Variants in ROBO1 observed in about 807,000 individuals in gnomAD.
The protein encoded by ROBO1 is roundabout guidance receptor 1, also known as roundabout homolog 1.
In ROBO1, 149 loss-of-function variants were observed where a neutral mutation model predicts 195.9. The ratio of observed to expected loss-of-function variants is 0.76; its 90% CI spans 0.67 to 0.87. ROBO1 has a LOEUF of 0.87. Ranked by LOEUF, ROBO1 falls within the 40% of genes least tolerant of loss-of-function variation. The probability of loss-of-function intolerance (pLI) is 0.00; values close to 1 mark genes in which losing one functional copy is unlikely to be tolerated. For synonymous variants in ROBO1, 816 were observed against 733.2 expected (o/e 1.11, Z -1.82); for missense variants, 1,933 against 2,068.3 (o/e 0.93, Z 1.27).
chr3:79,539,809 A>T (rs1420478640), intron 2 of ROBO1, among the ~76,000 whole-genome samples: 1 of 152,062 alleles, frequency 6.6e-6, no homozygotes, highest in Non-Finnish European at 1.5e-5. Context: ...ATGCCCAATC[A>T]TGCAGTGAAA....
Position 79,489,115 on chromosome 3 carries a change from T to C in ROBO1, c.88+100709A>G, listed in dbSNP as rs924637058. 4.0e-5 allele frequency among the ~76,000 whole-genome samples: 6 copies of C among 151,258 alleles called. 1 individual carries two copies. Among genetic ancestry groups the C allele is most frequent in the Admixed American group, 3.9e-4 (6 of 15,200 alleles). ...AAATATACATATATAAGTACATATA[T>C]ATATATATATAAAACATGTGGTAAG... On this transcript the variant is annotated intron_variant, in intron 2 of 30. Coordinates refer to ENST00000464233, the MANE Select transcript of ROBO1 (RefSeq NM_002941.4).
intron 4 of ROBO1, among the ~76,000 whole-genome samples, chr3:78,783,350 A>G (rs936812133): frequency 2.0e-5 from 3 of 152,174 alleles, no homozygotes; most frequent in Non-Finnish European, 4.4e-5. Context: ...CCAAAGCAAA[A>G]CTAGCCATTA....
At chr3:78,986,388 T>G (rs745801638) in intron 3 of ROBO1, among the ~76,000 whole-genome samples, 1 of 151,990 alleles carries the variant, frequency 6.6e-6, no homozygotes, top group Non-Finnish European at 1.5e-5. Flanking sequence ...ATAAAACCTT[T>G]TTTTTTTTCT....
At chr3:79,124,224 A>G (rs1338579612) in intron 3 of ROBO1, among the ~76,000 whole-genome samples, 1 of 152,192 alleles carries the variant, frequency 6.6e-6, no homozygotes, top group African/African-American at 2.4e-5. Flanking sequence ...ATAGACTTTC[A>G]TTTGTTGGTC....
intron 2 of ROBO1, among the ~76,000 whole-genome samples, chr3:79,408,491 G>A (rs1259791323): frequency 1.3e-5 from 2 of 151,910 alleles, no homozygotes; most frequent in Non-Finnish European, 2.9e-5. Flanking sequence ...TTTTATTGGT[G>A]CAGAAATAAA....
At chr3:79,052,056 G>A (rs1311953736) in intron 3 of ROBO1, among the ~76,000 whole-genome samples, 4 of 152,176 alleles carry the variant, frequency 2.6e-5, no homozygotes, top group Middle Eastern at 3.4e-3. Context: ...CAGGGAACAC[G>A]GGAGATAACC....
chr3:79,058,970 T>C (rs1334237089), intron 3 of ROBO1, among the ~76,000 whole-genome samples: 5 of 152,140 alleles, frequency 3.3e-5, no homozygotes, highest in Admixed American at 6.6e-5. Flanking sequence ...TTGTTAATGA[T>C]TGGCAAGCCA....
intron 2 of ROBO1, among the ~76,000 whole-genome samples, chr3:79,231,192 T>C (rs1354967729): frequency 2.0e-5 from 3 of 152,054 alleles, no homozygotes; most frequent in African/African-American, 7.2e-5. Flanking sequence ...CCAAAAGCAA[T>C]TGCAATATAA....
At chr3:78,636,752 A>C in intron 22 of ROBO1, among the ~76,000 whole-genome samples, 1 of 151,530 alleles carries the variant, frequency 6.6e-6, no homozygotes, top group East Asian at 1.9e-4. Context: ...ATGACAACCA[A>C]AGAAATATAA....
chr3:78,944,379 C>A (rs927952973), intron 3 of ROBO1, among the ~76,000 whole-genome samples: 2 of 152,216 alleles, frequency 1.3e-5, no homozygotes, highest in African/African-American at 4.8e-5. Context: ...CTTTTTCTCT[C>A]TCTGCCATGT....
chr3:79,374,972 C>G (rs1355449801), intron 2 of ROBO1, among the ~76,000 whole-genome samples: 1 of 152,100 alleles, frequency 6.6e-6, no homozygotes, highest in Non-Finnish European at 1.5e-5. Flanking sequence ...ATTTGTCCAT[C>G]CTTTTACTTA....
At chr3:79,723,269 C>G (rs931119671) in intron 1 of ROBO1, among the ~76,000 whole-genome samples, 2 of 152,116 alleles carry the variant, frequency 1.3e-5, no homozygotes, top group Admixed American at 6.5e-5. Flanking sequence ...ATCTTATTTT[C>G]CATGCTAACT....
intron 2 of ROBO1, among the ~76,000 whole-genome samples, chr3:79,491,658 T>C (rs1488949926): frequency 2.0e-5 from 3 of 152,318 alleles, no homozygotes; most frequent in South Asian, 4.1e-4. Flanking sequence ...GCTGCATTTA[T>C]TCGGGCCATC....
At chr3:79,320,879 G>C (rs1431934469) in intron 2 of ROBO1, among the ~76,000 whole-genome samples, 1 of 152,070 alleles carries the variant, frequency 6.6e-6, no homozygotes, top group African/African-American at 2.4e-5. Context: ...ATTTAAGCTA[G>C]ACTGTAGAAT....
intron 1 of ROBO1, among the ~76,000 whole-genome samples, chr3:79,740,582 C>T (rs937564565): frequency 9.9e-5 from 15 of 152,108 alleles, no homozygotes; most frequent in South Asian, 2.1e-4. Flanking sequence ...TGCCGAGTGC[C>T]GAGCAAAGCA....
At chr3:79,530,972 T>C (rs996166590) in intron 2 of ROBO1, among the ~76,000 whole-genome samples, 3 of 152,116 alleles carry the variant, frequency 2.0e-5, no homozygotes, top group Non-Finnish European at 4.4e-5. Flanking sequence ...GCTAAGTATT[T>C]TCTGTGTGTG....
intron 2 of ROBO1, among the ~76,000 whole-genome samples, chr3:79,474,789 A>C (rs889835415): frequency 6.6e-6 from 1 of 152,072 alleles, no homozygotes; most frequent in Non-Finnish European, 1.5e-5. Flanking sequence ...ATTGTAAATA[A>C]ATTTGTTTAA....
intron 4 of ROBO1, among the ~76,000 whole-genome samples, chr3:78,930,933 A>G (rs2039487428): frequency 6.6e-6 from 1 of 151,990 alleles, no homozygotes; most frequent in Admixed American, 6.6e-5. Flanking sequence ...ATGTAATTCA[A>G]CTCTCAGCTC....
chr3:79,472,766 TG>T (rs141856834), intron 2 of ROBO1, among the ~76,000 whole-genome samples: 3,164 of 152,280 alleles, frequency 0.021, 50 homozygotes, highest in Middle Eastern at 0.041. Flanking sequence ...AGATGGTTCC[TG>T]GCCAACCAAA....
Sources: gnomAD v4.1 joint callset for allele counts (sites outside exome capture counted in the v4.1 genomes callset) on GRCh38, gnomAD v4.1.1 for gene constraint, MANE v1.5 for transcripts, NCBI Gene and HGNC (gene_info 2026-07-23, HGNC 2026-07-21) for gene names.